The following UBE2V1 variants were observed in gnomAD, a reference collection of about 807,000 sequenced individuals.
The protein encoded by UBE2V1 is ubiquitin conjugating enzyme E2 V1, also known as ubiquitin-conjugating enzyme E2 variant 1.
UBE2V1 carries 15 observed loss-of-function variants against 19.6 expected under a neutral mutation model. That is an observed-to-expected ratio of 0.77 (90% CI 0.51 to 1.18). The LOEUF (loss-of-function observed/expected upper bound fraction) is 1.18, where lower values mean the gene tolerates loss of function less well. Among genes scored for constraint, UBE2V1 ranks in the 50% most tolerant of loss-of-function variants. The pLI is 0.00. For synonymous variants in UBE2V1, 60 were observed against 60.7 expected, an observed-to-expected ratio of 0.99 and a Z score of 0.05; for missense variants, 125 against 184.8, an observed-to-expected ratio of 0.68 and a Z score of 1.88.
At chr20:50,083,630 C>T (rs2078743822) in intron 3 of UBE2V1, 1 of 153,208 alleles carries the variant, frequency 6.5e-6, no homozygotes, top group Non-Finnish European at 1.5e-5. Context: ...GCAAATGACA[C>T]ATGGAGTCAA....
chr20:50,110,454 A>G lies in UBE2V1; in HGVS notation c.22+2653T>C, dbSNP rs550859874. Among the ~76,000 whole-genome samples, 29 of 152,330 alleles carry G rather than the reference A, an allele frequency of 1.9e-4. 1 individual carries two copies. ...TGTTTCCTGGCAACCGGAGGCACAGATTAATCAAGAGCCTCACTCTAAACC... is the reference window on the plus strand; with the variant it reads ...TGTTTCCTGGCAACCGGAGGCACAGGTTAATCAAGAGCCTCACTCTAAACC... On this transcript the variant is annotated intron_variant, in intron 1 of 3. Transcript: ENST00000371674.
At chr20:50,085,362 C>G (rs952407272) in intron 2 of UBE2V1, among the ~76,000 whole-genome samples, 17 of 152,106 alleles carry the variant, frequency 1.1e-4, no homozygotes, top group Non-Finnish European at 1.8e-4. Flanking sequence ...ACCTGAAATG[C>G]CTTGCAACCC....
intron 3 of UBE2V1, 164 bp downstream of exon 3, chr20:50,083,965 G>C: frequency 9.0e-7 from 1 of 1,110,316 alleles, no homozygotes; most frequent in South Asian, 1.9e-5. Flanking sequence ...GATATAATTG[G>C]GAAACAGGCC....
At chr20:50,084,807 C>T (rs1197242759) in intron 2 of UBE2V1, 1 of 267,828 alleles carries the variant, frequency 3.7e-6, no homozygotes, top group Non-Finnish European at 7.5e-6. Flanking sequence ...CCATCCCTCC[C>T]TGCAGTCTTT....
chr20:50,099,693 T>C (rs1292773620), intron 1 of UBE2V1, among the ~76,000 whole-genome samples: 1 of 152,212 alleles, frequency 6.6e-6, no homozygotes, highest in Non-Finnish European at 1.5e-5. Context: ...TTTAGGGCTT[T>C]GGTTGTCCAG....
intron 1 of UBE2V1, among the ~76,000 whole-genome samples, chr20:50,097,936 A>G (rs1432249483): frequency 6.6e-6 from 1 of 152,268 alleles, no homozygotes. Context: ...CTTAGTATAC[A>G]TCGGGGACTT....
chr20:50,090,675 T>C (rs1403029010), intron 2 of UBE2V1, among the ~76,000 whole-genome samples: 1 of 152,116 alleles, frequency 6.6e-6, no homozygotes, highest in Non-Finnish European at 1.5e-5. Context: ...GAGATACTGG[T>C]CAAAGGGCAC....
rs2078690637 is a variant in UBE2V1, at chr20:50,082,635, C to T, written c.*133G>A. ...TTTACAGTATCTTAAGATAAATTTC[C>T]TTTGAATGGGAGCTTCCTTTCCGGT... On this transcript the variant is annotated 3_prime_UTR_variant, in exon 4 of 4. Coordinates refer to ENST00000371674, the MANE Select transcript of UBE2V1 (RefSeq NM_001032288.3). The T allele has an allele frequency of 7.0e-7, 1 of 1,437,424 alleles. No individual in the cohort carries two copies. Among genetic ancestry groups the T allele is most frequent in the Non-Finnish European group, 9.2e-7 (1 of 1,092,062 alleles). The allele number at this position is 1,437,424 out of a possible 1,614,324, so 89.0% of individuals were successfully genotyped here.
chr20:50,111,190 CTGTCCTA>C, intron 1 of UBE2V1: 1 of 952,798 alleles, frequency 1.0e-6, no homozygotes, highest in Non-Finnish European at 1.2e-6. Context: ...ACCTCAAAGC[CTGTCCTA>C]TGTTATCTAA....
At chr20:50,102,152 A>G (rs574046634) in intron 1 of UBE2V1, among the ~76,000 whole-genome samples, 1 of 152,326 alleles carries the variant, frequency 6.6e-6, no homozygotes, top group South Asian at 2.1e-4. Context: ...TGTGGCATCA[A>G]ACTTCTTATA....
chr20:50,100,143 T>C (rs1192198653), intron 1 of UBE2V1, among the ~76,000 whole-genome samples: 1 of 151,796 alleles, frequency 6.6e-6, no homozygotes, highest in Non-Finnish European at 1.5e-5. Context: ...TAGCTGGGTG[T>C]GGTGGTGCAC....
intron 2 of UBE2V1, among the ~76,000 whole-genome samples, chr20:50,090,985 G>T (rs189459840): frequency 6.6e-6 from 1 of 152,154 alleles, no homozygotes; most frequent in South Asian, 2.1e-4. Flanking sequence ...CTCTTTTCCT[G>T]ACTGACACAG....
At chr20:50,109,135 C>T (rs1433152482) in intron 1 of UBE2V1, 2 of 985,380 alleles carry the variant, frequency 2.0e-6, no homozygotes, top group Non-Finnish European at 1.2e-6. Context: ...GATGAGACAA[C>T]ATCACAGGTA....
At chr20:50,088,030 C>T (rs1413053301) in intron 2 of UBE2V1, among the ~76,000 whole-genome samples, 2 of 151,236 alleles carry the variant, frequency 1.3e-5, no homozygotes, top group Non-Finnish European at 2.9e-5. Context: ...CACTACAGGC[C>T]CAGAGCCTGG....
At chr20:50,111,359 AGT>A in intron 1 of UBE2V1, 1 of 999,238 alleles carries the variant, frequency 1.0e-6, no homozygotes, top group Non-Finnish European at 1.2e-6. Flanking sequence ...TAGCCAACCG[AGT>A]GACTGCAAGC....
chr20:50,086,637 T>A (rs941597640), intron 2 of UBE2V1, among the ~76,000 whole-genome samples: 2 of 152,132 alleles, frequency 1.3e-5, no homozygotes, highest in African/African-American at 4.8e-5. Flanking sequence ...GCTCCCTGGT[T>A]TTGTCACACA....
chr20:50,084,201 G>A lies in UBE2V1; in HGVS notation c.225C>T (p.Tyr75=). 3 of 1,611,428 alleles carry A rather than the reference G, an allele frequency of 1.9e-6. No homozygotes were observed. The highest frequency in any genetic ancestry group is 8.5e-7 in the Non-Finnish European group (1 of 1,179,294). ...ATCTTACAAAGGGGGGTGCTTCTGGGTATTTAGGTCCACATTCTATTTTAA... is the reference window on the plus strand; with the variant it reads ...ATCTTACAAAGGGGGGTGCTTCTGGATATTTAGGTCCACATTCTATTTTAA... ...YSLKIECGPK[Y]PEAPPFVRFV... The change falls in exon 3 of 4, where the codon TAC becomes TAT. Residue 75 remains tyrosine (Y), a synonymous_variant. Transcript: ENST00000371674.
At position 50,109,149 on chromosome 20, in the gene UBE2V1, C is replaced by T. The variant is rs575629172; in HGVS notation, c.22+3958G>A. ...AGATGAGACAACATCACAGGTAAGTCGAAGTCTATGGGACACTCTAAAGCA... is the reference window on the plus strand; with the variant it reads ...AGATGAGACAACATCACAGGTAAGTTGAAGTCTATGGGACACTCTAAAGCA... On this transcript the variant is annotated intron_variant, in intron 1 of 3. Coordinates refer to ENST00000371674, the MANE Select transcript of UBE2V1 (RefSeq NM_001032288.3). 3.2e-5 allele frequency: 32 copies of T among 985,234 alleles called. No homozygotes were observed. In the South Asian group the frequency reaches 1.1e-3, roughly 35 times the overall value. 61.0% of individuals were successfully genotyped at this position (985,234 alleles called of 1,614,324 possible).
At position 50,081,707 on chromosome 20, in the gene UBE2V1, A is replaced by G; in HGVS notation, c.*1061T>C. 4.8e-6 allele frequency: 1 copy of G among 206,660 alleles called. No individual in the cohort carries two copies. The highest frequency in any genetic ancestry group is 1.0e-4 in the East Asian group (1 of 9,664). The allele number at this position is 206,660 out of a possible 1,614,324, so 12.8% of individuals were successfully genotyped here. On this transcript the variant is annotated 3_prime_UTR_variant, in exon 4 of 4. Transcript: ENST00000371674. Reference sequence around the variant, plus strand: ...AAAGCAGTTACAGGAAAGTAAAACAATTCAGAGGGATCATGTGTGCTTACA... The same window carrying G: ...AAAGCAGTTACAGGAAAGTAAAACAGTTCAGAGGGATCATGTGTGCTTACA...
Sources: allele counts gnomAD v4.1 joint callset (sites outside exome capture counted in the v4.1 genomes callset), GRCh38; gene constraint gnomAD v4.1.1; transcripts MANE v1.5; gene names NCBI Gene and HGNC (gene_info 2026-07-23, HGNC 2026-07-21).